The following PTPN4 variants were observed in gnomAD, a reference collection of about 807,000 sequenced individuals.
The protein encoded by PTPN4 is tyrosine-protein phosphatase non-receptor type 4.
In PTPN4, 49 loss-of-function variants were observed where a neutral mutation model predicts 135.5. The ratio of observed to expected loss-of-function variants is 0.36; its 90% CI spans 0.29 to 0.46. The LOEUF (loss-of-function observed/expected upper bound fraction) is 0.46. Ranked by LOEUF, PTPN4 falls within the 20% of genes least tolerant of loss-of-function variation. PTPN4 has a pLI of 1.00. For missense variants in PTPN4, 860 were observed against 1,101.0 expected (o/e 0.78, Z 3.10); for synonymous variants, 333 against 369.9 (o/e 0.90, Z 1.14).
Position 119,882,561 on chromosome 2 carries a change from T to G in PTPN4, c.525T>G (p.Ser175=), listed in dbSNP as rs1033225589. 7 of 1,558,170 alleles carry G rather than the reference T, an allele frequency of 4.5e-6. No homozygotes were observed. In the Admixed American group the frequency reaches 7.2e-5, roughly 16 times the overall value. The stretch of plus-strand genomic sequence containing the variant: ...TGTCAGGCTACCTCTCAGATTATTC[T>G]TTCATTCCTAATCAACCTCAAGATT... The part of the protein sequence containing the change: ...ENLSGYLSDY[S]FIPNQPQDFE... The change falls in exon 8 of 27, where the codon TCT becomes TCG. Residue 175 remains serine, a synonymous_variant. Transcript: ENST00000263708.
At chr2:119,945,057 T>G in intron 15 of PTPN4, 24 bp from the exon 16 acceptor site, 1 of 1,558,264 alleles carries the variant, frequency 6.4e-7, no homozygotes, top group East Asian at 2.4e-5. Context: ...ATGAAACAAC[T>G]TCCAAATTTG....
intron 1 of PTPN4, among the ~76,000 whole-genome samples, chr2:119,804,467 C>T (rs534747621): frequency 6.7e-4 from 102 of 152,138 alleles, no homozygotes; most frequent in Non-Finnish European, 1.3e-3. Context: ...GTGTGATGTT[C>T]CCCGCCCTGT....
At chr2:119,782,184 A>G (rs1346567384) in intron 1 of PTPN4, among the ~76,000 whole-genome samples, 3 of 152,172 alleles carry the variant, frequency 2.0e-5, no homozygotes, top group Non-Finnish European at 2.9e-5. Flanking sequence ...TGGGAGGCCA[A>G]AGCGGGCAGA....
At chr2:119,875,917 T>C (rs1427358532) in intron 3 of PTPN4, among the ~76,000 whole-genome samples, 1 of 152,170 alleles carries the variant, frequency 6.6e-6, no homozygotes, top group African/African-American at 2.4e-5. Context: ...TAATGTTCCT[T>C]ACTTGTTAAA....
chr2:119,803,956 G>C (rs1306019899), intron 1 of PTPN4, among the ~76,000 whole-genome samples: 1 of 151,334 alleles, frequency 6.6e-6, no homozygotes, highest in Non-Finnish European at 1.5e-5. Flanking sequence ...TACTAATATA[G>C]GTACTCTTCT....
chr2:119,903,874 G>A (rs1678445771), intron 10 of PTPN4, among the ~76,000 whole-genome samples: 1 of 152,084 alleles, frequency 6.6e-6, no homozygotes, highest in East Asian at 1.9e-4. Flanking sequence ...TACACCCTAA[G>A]CCACTGAGGA....
intron 1 of PTPN4, among the ~76,000 whole-genome samples, chr2:119,768,212 G>T (rs1390809773): frequency 3.3e-5 from 5 of 152,014 alleles, no homozygotes; most frequent in African/African-American, 1.2e-4. Flanking sequence ...TGGCCTTTAA[G>T]TTGGCTCCTC....
At chr2:119,970,905 C>T (rs1314374689) in intron 26 of PTPN4, among the ~76,000 whole-genome samples, 1 of 152,168 alleles carries the variant, frequency 6.6e-6, no homozygotes, top group Non-Finnish European at 1.5e-5. Context: ...TTTGCAGTTC[C>T]TCTAGCAGTG....
At chr2:119,976,695 G>C (rs1181329804) in intron 26 of PTPN4, among the ~76,000 whole-genome samples, 2 of 152,118 alleles carry the variant, frequency 1.3e-5, no homozygotes. Context: ...TGGGTGAAGA[G>C]GTAAATTAGG....
intron 1 of PTPN4, among the ~76,000 whole-genome samples, chr2:119,792,309 G>T (rs192963406): frequency 1.1e-4 from 16 of 152,204 alleles, no homozygotes; most frequent in Admixed American, 3.3e-4. Flanking sequence ...TTAGCTTAGT[G>T]CAGTACCTAT....
At chr2:119,772,703 A>T (rs1384775851) in intron 1 of PTPN4, among the ~76,000 whole-genome samples, 1 of 152,018 alleles carries the variant, frequency 6.6e-6, no homozygotes, top group Non-Finnish European at 1.5e-5. Context: ...ACACCCAGCT[A>T]ATTTTTTATA....
At chr2:119,951,691 G>A (rs917279284) in intron 18 of PTPN4, among the ~76,000 whole-genome samples, 2 of 152,126 alleles carry the variant, frequency 1.3e-5, no homozygotes, top group African/African-American at 4.8e-5. Flanking sequence ...ACAGTGTAAA[G>A]CTAAAGCTAC....
chr2:119,896,439 T>G (rs1470978601), intron 9 of PTPN4, among the ~76,000 whole-genome samples: 1 of 152,216 alleles, frequency 6.6e-6, no homozygotes, highest in African/African-American at 2.4e-5. Flanking sequence ...CATAATGTAA[T>G]TCAACATAAT....
intron 1 of PTPN4, among the ~76,000 whole-genome samples, chr2:119,799,571 CCT>C (rs1187136387): frequency 1.3e-5 from 2 of 152,260 alleles, no homozygotes; most frequent in East Asian, 3.9e-4. Context: ...AAGTCTGCCA[CCT>C]CTCAGCAAAT....
At chr2:119,973,704 A>T (rs1210647288) in intron 26 of PTPN4, among the ~76,000 whole-genome samples, 15 of 111,154 alleles carry the variant, frequency 1.3e-4, no homozygotes, top group Non-Finnish European at 2.5e-4. Context: ...TGATAAACGA[A>T]TCAGGTTGTT....
At chr2:119,936,755 G>A (rs1302898785) in intron 15 of PTPN4, among the ~76,000 whole-genome samples, 3 of 152,168 alleles carry the variant, frequency 2.0e-5, no homozygotes, top group Non-Finnish European at 4.4e-5. Flanking sequence ...GGAGAAGCGA[G>A]TTCAGGGTAG....
chr2:119,799,365 T>C (rs775107410), intron 1 of PTPN4, among the ~76,000 whole-genome samples: 3 of 152,220 alleles, frequency 2.0e-5, no homozygotes, highest in Admixed American at 6.5e-5. Flanking sequence ...TCAAACAAAT[T>C]AGTAGAACAT....
intron 1 of PTPN4, among the ~76,000 whole-genome samples, chr2:119,786,078 A>G (rs1189101518): frequency 6.6e-6 from 1 of 152,124 alleles, no homozygotes; most frequent in Admixed American, 6.6e-5. Flanking sequence ...GTCAAATTAC[A>G]CTTCTCCTCC....
chr2:119,958,220 C>G (rs2105056879), intron 22 of PTPN4, among the ~76,000 whole-genome samples: 1 of 150,862 alleles, frequency 6.6e-6, no homozygotes, highest in Non-Finnish European at 1.5e-5. Flanking sequence ...GCCTGTTGTC[C>G]CAGCTACTCA....
Sources: allele counts gnomAD v4.1 joint callset (sites outside exome capture counted in the v4.1 genomes callset), GRCh38; gene constraint gnomAD v4.1.1; transcripts MANE v1.5; gene names NCBI Gene and HGNC (gene_info 2026-07-23, HGNC 2026-07-21).